The following CHGB variants were observed in gnomAD, a reference collection of about 807,000 sequenced individuals.
CHGB encodes the protein secretogranin-1.
A neutral mutation model predicts 69.9 loss-of-function variants in CHGB; 46 were observed. That is an observed-to-expected ratio of 0.66 (90% CI 0.52 to 0.84). The LOEUF (loss-of-function observed/expected upper bound fraction) is 0.84. CHGB is among the 40% of genes least tolerant of loss of function. The probability of loss-of-function intolerance (pLI) is 0.00; values close to 1 mark genes in which losing one functional copy is unlikely to be tolerated. For missense variants in CHGB, 796 were observed against 822.2 expected (o/e 0.97, Z 0.39); for synonymous variants, 312 against 298.2 (o/e 1.05, Z -0.48).
chr20:5,925,345 T>TGGTC lies in CHGB; in HGVS notation c.*296_*297insGGTC, dbSNP rs2088544105. On this transcript the variant is annotated 3_prime_UTR_variant, in exon 5 of 5. Transcript: ENST00000378961. ...TGTCTCAGTTGGAAATAATAAAAGA[T>TGGTC]TCACCTGAGACCAAAAGCTTCATTG... 1 of 192,080 alleles carries TGGTC rather than the reference T, an allele frequency of 5.2e-6. No homozygotes were observed. The highest frequency in any genetic ancestry group is 2.4e-5 in the African/African-American group (1 of 42,490). The allele number at this position is 192,080 out of a possible 1,614,324, so 11.9% of individuals were successfully genotyped here.
chr20:5,914,136 C>T (rs1347079554), intron 1 of CHGB, among the ~76,000 whole-genome samples: 1 of 151,808 alleles, frequency 6.6e-6, no homozygotes, highest in Non-Finnish European at 1.5e-5. Flanking sequence ...TCGTATATAC[C>T]TACAGAGAGC....
chr20:5,920,365 C>T (rs376322025), intron 3 of CHGB, among the ~76,000 whole-genome samples: 1 of 152,188 alleles, frequency 6.6e-6, no homozygotes, highest in East Asian at 1.9e-4. Flanking sequence ...CTGTCTTAGT[C>T]AGCTTGGGCT....
chr20:5,917,150 C>G, intron 3 of CHGB: 1 of 542,190 alleles, frequency 1.8e-6, no homozygotes, highest in Non-Finnish European at 3.3e-6. Flanking sequence ...CTCTTTTCCT[C>G]AAAGTAAAAT....
At chr20:5,916,098 C>A in intron 1 of CHGB, 1 of 565,544 alleles carries the variant, frequency 1.8e-6, no homozygotes, top group Non-Finnish European at 3.2e-6. Context: ...CCTGTGTAAC[C>A]AGCACTGAGA....
Position 5,923,099 on chromosome 20 carries a change from G to A in CHGB, c.955G>A (p.Ala319Thr), listed in dbSNP as rs2088526497. 2.2e-5 allele frequency: 35 copies of A among 1,614,118 alleles called. No individual in the cohort carries two copies. Among genetic ancestry groups the A allele is most frequent in the Non-Finnish European group, 2.6e-5 (31 of 1,180,016 alleles). ...ATCTGAGGAGTCAAACGTCAGCATG[G>A]CCAGTTTAGGGGAAAAGAGGGACCA... ...EESEESNVSM[A>T]SLGEKRDHHS... is the part of the protein sequence containing the mutation. Residue 319 changes from alanine (A) to threonine (T), a missense_variant, in exon 4 of 5, where the codon GCC (alanine) becomes ACC (threonine). By Grantham distance (58) the Ala-to-Thr change is moderately conservative. This residue lies in a region of CHGB where 518 missense variants were observed against 506.3 expected (regional missense o/e 1.02). Transcript: ENST00000378961.
chr20:5,916,726 A>G, intron 2 of CHGB, 100 bp from the exon 3 acceptor site: 1 of 1,026,396 alleles, frequency 9.7e-7, no homozygotes, highest in Non-Finnish European at 1.5e-6. Context: ...GCATCAGCCC[A>G]GGTCACGTAA....
intron 3 of CHGB, 140 bp downstream of exon 3, chr20:5,917,059 A>T (rs2088480030): frequency 1.3e-6 from 1 of 755,976 alleles, no homozygotes; most frequent in Non-Finnish European, 2.3e-6. Context: ...CTAGGCCAGT[A>T]TCTGGGAGAC....
chr20:5,912,048 G>GT (rs1160876476), intron 1 of CHGB, among the ~76,000 whole-genome samples: 2 of 152,200 alleles, frequency 1.3e-5, no homozygotes, highest in Non-Finnish European at 2.9e-5. Context: ...GTCTGATTCT[G>GT]TATCTGTTTG....
chr20:5,919,003 C>T (rs1353232708), intron 3 of CHGB, among the ~76,000 whole-genome samples: 1 of 151,896 alleles, frequency 6.6e-6, no homozygotes, highest in Non-Finnish European at 1.5e-5. Context: ...TTCTTTTTTC[C>T]AGCAGTTACA....
chr20:5,915,701 GTTTTATTAGAC>G (rs1438424855), intron 1 of CHGB: 1 of 151,928 alleles, frequency 6.6e-6, no homozygotes, highest in Non-Finnish European at 1.5e-5. Context: ...GGGCATTCTT[GTTTTATTAGAC>G]TTAGTTTGGT....
intron 1 of CHGB, 92 bp from the exon 2 acceptor site, chr20:5,916,234 C>T (rs1568549751): frequency 3.2e-6 from 3 of 924,350 alleles, no homozygotes; most frequent in Non-Finnish European, 5.1e-6. Flanking sequence ...AGGGGAAAAA[C>T]AACAACTAAT....
intron 2 of CHGB, 110 bp from the exon 3 acceptor site, chr20:5,916,716 G>A (rs236146): frequency 0.25 from 230,462 of 931,366 alleles, 30,590 homozygotes; most frequent in East Asian, 0.4. Context: ...TAAGAATACT[G>A]CATCAGCCCA....
Position 5,923,394 on chromosome 20 carries a change from G to A in CHGB, c.1250G>A (p.Arg417His), listed in dbSNP as rs742711. 437,837 of 1,613,774 alleles carry A rather than the reference G, an allele frequency of 0.27. 61,967 individuals are homozygous for A. Among genetic ancestry groups the A allele is most frequent in the East Asian group, 0.39 (17,669 of 44,856 alleles). The change falls in exon 4 of 5, where the codon CGC (arginine) becomes CAC (histidine). Residue 417 changes from arginine to histidine, a missense_variant. Transcript: ENST00000378961. ...EERGLEPGKG[R>H]HHRGRGGEPR... is the part of the protein sequence containing the mutation. Reference sequence around the variant, plus strand: ...AGGGGCCTTGAGCCGGGAAAGGGACGCCATCACAGAGGCAGGGGAGGGGAG... The same window carrying A: ...AGGGGCCTTGAGCCGGGAAAGGGACACCATCACAGAGGCAGGGGAGGGGAG...
rs750480040 is a variant in CHGB, at chr20:5,922,966, G to A, written c.822G>A (p.Val274=). 6 of 1,610,238 alleles carry A rather than the reference G, an allele frequency of 3.7e-6. No individual in the cohort carries two copies. Among genetic ancestry groups the A allele is most frequent in the African/African-American group, 2.7e-5 (2 of 74,680 alleles). ...GTGAGGAAGATGCCACCTCTGAGGTGGACAAACGACGCACGAGGCCCAGAC... is the reference window on the plus strand; with the variant it reads ...GTGAGGAAGATGCCACCTCTGAGGTAGACAAACGACGCACGAGGCCCAGAC... The part of the protein sequence containing the change: ...EEGEEDATSE[V]DKRRTRPRHH... Residue 274 remains valine, a synonymous_variant, in exon 4 of 5, where the codon GTG becomes GTA. Coordinates refer to ENST00000378961, the MANE Select transcript of CHGB (RefSeq NM_001819.3).
chr20:5,920,285 C>T (rs80190152), intron 3 of CHGB, among the ~76,000 whole-genome samples: 5,789 of 152,328 alleles, frequency 0.038, 156 homozygotes, highest in Middle Eastern at 0.12. Context: ...AGTGACTCGG[C>T]CCCTGGAGGC....
Position 5,923,122 on chromosome 20 carries a change from C to T in CHGB, c.978C>T (p.Asp326=). 6.2e-7 allele frequency: 1 copy of T among 1,614,078 alleles called. No individual in the cohort carries two copies. The highest frequency in any genetic ancestry group is 8.5e-7 in the Non-Finnish European group (1 of 1,180,022). Residue 326 remains aspartate (D), a synonymous_variant, in exon 4 of 5, where the codon GAC becomes GAT. Coordinates refer to ENST00000378961, the MANE Select transcript of CHGB (RefSeq NM_001819.3). ...VSMASLGEKR[D]HHSTHYRASE... Reference sequence around the variant, plus strand: ...TGGCCAGTTTAGGGGAAAAGAGGGACCACCATTCAACCCACTACAGGGCTT... The same window carrying T: ...TGGCCAGTTTAGGGGAAAAGAGGGATCACCATTCAACCCACTACAGGGCTT...
intron 1 of CHGB, among the ~76,000 whole-genome samples, chr20:5,912,483 T>C (rs887497642): frequency 6.3e-5 from 8 of 126,588 alleles, no homozygotes; most frequent in African/African-American, 2.6e-4. Flanking sequence ...TCCTTTGGAG[T>C]AGTAAAAAAA....
intron 1 of CHGB, among the ~76,000 whole-genome samples, chr20:5,914,273 C>G (rs1035336538): frequency 6.6e-6 from 1 of 152,120 alleles, no homozygotes; most frequent in Non-Finnish European, 1.5e-5. Context: ...AATACAGAAG[C>G]ACCTAGATGT....
Position 5,923,643 on chromosome 20 carries a change from G to A in CHGB, c.1499G>A (p.Arg500Lys), listed in dbSNP as rs74621755. 0.015 allele frequency: 23,910 copies of A among 1,613,904 alleles called. 404 individuals are homozygous for A. The highest frequency in any genetic ancestry group is 0.088 in the East Asian group (3,936 of 44,880). Residue 500 changes from arginine to lysine, a missense_variant, in exon 4 of 5, where the codon AGG becomes AAG. Physicochemically the swap from Arg to Lys is conservative, Grantham distance 26. Coordinates refer to ENST00000378961, the MANE Select transcript of CHGB (RefSeq NM_001819.3). Reference protein sequence around the residue: ...QDTKENREEARFQDKQYSSHH... With the variant: ...QDTKENREEAKFQDKQYSSHH... Reference sequence around the variant, plus strand: ...ACTAAAGAAAACAGGGAGGAAGCTAGGTTTCAAGATAAACAATATAGCTCC... The same window carrying A: ...ACTAAAGAAAACAGGGAGGAAGCTAAGTTTCAAGATAAACAATATAGCTCC...
Sources: gnomAD v4.1 joint callset for allele counts (sites outside exome capture counted in the v4.1 genomes callset) on GRCh38, gnomAD v4.1.1 for gene constraint, gnomAD v4.1.1 regional missense constraint, MANE v1.5 for transcripts, NCBI Gene and HGNC (gene_info 2026-07-23, HGNC 2026-07-21) for gene names.